Variants in FHIT observed in about 807,000 individuals in gnomAD.
The protein encoded by FHIT is bis(5'-adenosyl)-triphosphatase.
A neutral mutation model predicts 17.9 loss-of-function variants in FHIT; 19 were observed. That is an observed-to-expected ratio of 1.06 (90% CI 0.74 to 1.56). The LOEUF (loss-of-function observed/expected upper bound fraction) is 1.56, where lower values mean the gene tolerates loss of function less well. FHIT is among the 40% of genes most tolerant of loss of function. The pLI is 0.00. For missense variants in FHIT, 248 were observed against 189.2 expected (o/e 1.31, Z -1.82); for synonymous variants, 81 against 69.7 (o/e 1.16, Z -0.81).
intron 1 of FHIT, among the ~76,000 whole-genome samples, chr3:61,202,495 G>C (rs2039056577): frequency 1.4e-5 from 2 of 138,774 alleles, no homozygotes; most frequent in Admixed American, 1.5e-4. Flanking sequence ...TGACATTAAA[G>C]TTTACTTTTT....
chr3:60,242,262 A>G (rs554389982), intron 5 of FHIT, among the ~76,000 whole-genome samples: 1 of 152,060 alleles, frequency 6.6e-6, no homozygotes, highest in African/African-American at 2.4e-5. Context: ...AATAAAATTG[A>G]TATTTTGCTT....
chr3:60,457,395 T>A (rs946015724), intron 5 of FHIT, among the ~76,000 whole-genome samples: 1 of 152,252 alleles, frequency 6.6e-6, no homozygotes, highest in Non-Finnish European at 1.5e-5. Flanking sequence ...AAGCTGAAAC[T>A]GGATCCCTTC....
intron 8 of FHIT, among the ~76,000 whole-genome samples, chr3:59,874,873 A>T (rs1703082761): frequency 2.0e-5 from 3 of 152,202 alleles, no homozygotes; most frequent in African/African-American, 7.2e-5. Flanking sequence ...ATCAGCTGCT[A>T]ATCAGCACCT....
At chr3:60,685,507 T>C (rs782028070) in intron 4 of FHIT, among the ~76,000 whole-genome samples, 1 of 152,148 alleles carries the variant, frequency 6.6e-6, no homozygotes, top group Non-Finnish European at 1.5e-5. Context: ...AGCTTGCTTT[T>C]TGTCAAGAGA....
chr3:61,098,064 G>C (rs60251885), intron 2 of FHIT, among the ~76,000 whole-genome samples: 5,647 of 152,140 alleles, frequency 0.037, 185 homozygotes, highest in African/African-American at 0.082. Flanking sequence ...TTGATTTCCA[G>C]GGTTTTTATA....
intron 1 of FHIT, among the ~76,000 whole-genome samples, chr3:61,214,184 C>CA (rs1280859666): frequency 3.3e-5 from 5 of 152,080 alleles, no homozygotes; most frequent in Non-Finnish European, 7.4e-5. Context: ...AATAGAGACA[C>CA]AAAAAACCCT....
chr3:60,412,474 C>G (rs778563055), intron 5 of FHIT, among the ~76,000 whole-genome samples: 2 of 152,078 alleles, frequency 1.3e-5, no homozygotes, highest in African/African-American at 2.4e-5. Flanking sequence ...GCCTCTCTTA[C>G]GCATTTCCCT....
intron 5 of FHIT, among the ~76,000 whole-genome samples, chr3:60,343,628 A>G (rs1710633010): frequency 6.6e-6 from 1 of 152,178 alleles, no homozygotes; most frequent in African/African-American, 2.4e-5. Flanking sequence ...AACCTAATTA[A>G]TAATGTTTCA....
At chr3:59,966,307 C>T (rs1707924175) in intron 7 of FHIT, among the ~76,000 whole-genome samples, 1 of 152,192 alleles carries the variant, frequency 6.6e-6, no homozygotes, top group African/African-American at 2.4e-5. Context: ...TAGCCAGAAA[C>T]TTTCATGTAG....
At chr3:61,161,225 T>C (rs1294831259) in intron 2 of FHIT, among the ~76,000 whole-genome samples, 1 of 150,756 alleles carries the variant, frequency 6.6e-6, no homozygotes, top group Non-Finnish European at 1.5e-5. Context: ...TTTTTTTAGA[T>C]GGAGGTTTGC....
chr3:60,873,400 G>A (rs1553755494), intron 3 of FHIT, among the ~76,000 whole-genome samples: 1 of 152,206 alleles, frequency 6.6e-6, no homozygotes. Flanking sequence ...TCTTACAAAA[G>A]TAAGCACTCA....
chr3:60,109,991 G>C (rs1704599494), intron 5 of FHIT, among the ~76,000 whole-genome samples: 1 of 152,164 alleles, frequency 6.6e-6, no homozygotes, highest in Non-Finnish European at 1.5e-5. Flanking sequence ...AGGTAAAGGA[G>C]TTTTCTTTTC....
chr3:60,433,936 T>C (rs963661237), intron 5 of FHIT, among the ~76,000 whole-genome samples: 2 of 152,114 alleles, frequency 1.3e-5, no homozygotes, highest in Non-Finnish European at 2.9e-5. Flanking sequence ...GTTTCAATTG[T>C]CTATTTTTGG....
chr3:59,782,802 G>T (rs534250705), intron 8 of FHIT, among the ~76,000 whole-genome samples: 12 of 137,150 alleles, frequency 8.7e-5, no homozygotes, highest in Non-Finnish European at 1.8e-4. Flanking sequence ...TATCTTTCTG[G>T]CATTTTTTTT....
chr3:61,106,477 T>G (rs893892827), intron 2 of FHIT, among the ~76,000 whole-genome samples: 3 of 152,166 alleles, frequency 2.0e-5, no homozygotes, highest in African/African-American at 7.2e-5. Flanking sequence ...CTCCCAGCCC[T>G]TGGCAACAAC....
chr3:59,928,898 G>A (rs1705807376), intron 7 of FHIT, among the ~76,000 whole-genome samples: 1 of 149,184 alleles, frequency 6.7e-6, no homozygotes, highest in Non-Finnish European at 1.5e-5. Flanking sequence ...AGGAGGCTGA[G>A]GTAGGAGAAT....
chr3:60,293,966 C>A (rs947698403), intron 5 of FHIT, among the ~76,000 whole-genome samples: 8 of 152,086 alleles, frequency 5.3e-5, no homozygotes, highest in African/African-American at 1.9e-4. Flanking sequence ...AGGAGGTAAA[C>A]CTACTGCAAA....
intron 2 of FHIT, among the ~76,000 whole-genome samples, chr3:61,182,537 T>C (rs377494251): frequency 6.6e-6 from 1 of 152,220 alleles, no homozygotes; most frequent in Non-Finnish European, 1.5e-5. Context: ...AGATTTCATG[T>C]GACTAACCAA....
At chr3:59,909,472 G>T (rs952831957) in intron 8 of FHIT, among the ~76,000 whole-genome samples, 4 of 152,084 alleles carry the variant, frequency 2.6e-5, no homozygotes, top group African/African-American at 9.7e-5. Context: ...TGCGATTATG[G>T]GCACGCACCA....
Sources: allele counts gnomAD v4.1 joint callset (sites outside exome capture counted in the v4.1 genomes callset), GRCh38; gene constraint gnomAD v4.1.1; transcripts MANE v1.5; gene names NCBI Gene and HGNC (gene_info 2026-07-23, HGNC 2026-07-21).